Variants in PKHD1 observed in about 807,000 individuals in gnomAD.
The protein encoded by PKHD1 is fibrocystin.
In PKHD1, 291 loss-of-function variants were observed where a neutral mutation model predicts 412.0. The ratio of observed to expected loss-of-function variants is 0.71; its 90% CI spans 0.64 to 0.78. The LOEUF (loss-of-function observed/expected upper bound fraction) is 0.78. Among genes scored for constraint, PKHD1 ranks in the 30% least tolerant of loss-of-function variants. The pLI, the probability that PKHD1 is intolerant of heterozygous loss-of-function variation, is 0.00. For missense variants in PKHD1, 4,825 were observed against 4,950.7 expected (o/e 0.97, Z 0.76); for synonymous variants, 1,777 against 1,821.5 (o/e 0.98, Z 0.62).
chr6:51,682,323 T>C, intron 60 of PKHD1: 1 of 434,062 alleles, frequency 2.3e-6, no homozygotes. Flanking sequence ...AATATTCACT[T>C]TTTCTAATAC....
At chr6:51,906,377 C>T in intron 40 of PKHD1, 37 bp from the exon 41 acceptor site, 1 of 1,576,468 alleles carries the variant, frequency 6.3e-7, no homozygotes, top group Middle Eastern at 1.7e-4. Context: ...TTAGATATGG[C>T]TCCTGAGATT....
intron 60 of PKHD1, among the ~76,000 whole-genome samples, chr6:51,673,406 G>C (rs1483836187): frequency 2.6e-5 from 4 of 152,168 alleles, no homozygotes; most frequent in African/African-American, 9.7e-5. Flanking sequence ...CCACTATAAA[G>C]CTTTCCTACT....
chr6:51,856,368 G>A (rs1040392165), intron 48 of PKHD1, among the ~76,000 whole-genome samples: 1 of 152,072 alleles, frequency 6.6e-6, no homozygotes, highest in East Asian at 1.9e-4. Context: ...ACGGAGTTTC[G>A]CTCTTGTTGC....
At chr6:51,757,048 G>C (rs1787137912) in intron 55 of PKHD1, among the ~76,000 whole-genome samples, 1 of 152,138 alleles carries the variant, frequency 6.6e-6, no homozygotes, top group Non-Finnish European at 1.5e-5. Flanking sequence ...TCAGACAGGA[G>C]GTGGAGCCCA....
chr6:51,999,037 T>C (rs149890377), intron 35 of PKHD1, among the ~76,000 whole-genome samples: 1 of 152,274 alleles, frequency 6.6e-6, no homozygotes, highest in Non-Finnish European at 1.5e-5. Context: ...AAGAAGACAG[T>C]AACTAAAATA....
intron 53 of PKHD1, among the ~76,000 whole-genome samples, chr6:51,789,423 T>C (rs1360424009): frequency 1.3e-5 from 2 of 152,118 alleles, no homozygotes; most frequent in Non-Finnish European, 2.9e-5. Flanking sequence ...TGTATATCTA[T>C]ATATTCCCAT....
In PKHD1 at chr6:51,868,005, G is replaced by A. The variant is rs150559372; in HGVS notation, c.7591C>T (p.Leu2531=). The A allele has an allele frequency of 8.1e-5, 130 of 1,613,212 alleles. No homozygotes were observed. In the South Asian group the frequency reaches 8.2e-4, roughly 10 times the overall value. ...ATGTGACTTCTGTTTTTCCCAGACA[G>A]AGACCCATCCAAGTCTTCCAAAATT... ...AAILEDLDGS[L]SGKNRSHILA... Residue 2531 remains leucine (L), a synonymous_variant, in exon 48 of 67, where the codon CTG becomes TTG. Coordinates refer to ENST00000371117, the MANE Select transcript of PKHD1 (RefSeq NM_138694.4).
intron 53 of PKHD1, among the ~76,000 whole-genome samples, chr6:51,786,338 C>A (rs1792850385): frequency 6.6e-6 from 1 of 152,174 alleles, no homozygotes; most frequent in African/African-American, 2.4e-5. Flanking sequence ...TTACTTCACT[C>A]CCTGACGATT....
chr6:51,988,196 A>G (rs1291961563), intron 35 of PKHD1, among the ~76,000 whole-genome samples: 1 of 152,206 alleles, frequency 6.6e-6, no homozygotes, highest in Admixed American at 6.5e-5. Flanking sequence ...AAAACGCCCT[A>G]TGTCTTCAAT....
intron 35 of PKHD1, among the ~76,000 whole-genome samples, chr6:51,979,157 G>T (rs554797657): frequency 1.4e-4 from 22 of 152,116 alleles, no homozygotes; most frequent in Middle Eastern, 3.4e-3. Flanking sequence ...CTCTATGTAT[G>T]CAGTTACATA....
At chr6:51,662,820 A>T (rs2150436393) in intron 60 of PKHD1, among the ~76,000 whole-genome samples, 1 of 152,162 alleles carries the variant, frequency 6.6e-6, no homozygotes, top group African/African-American at 2.4e-5. Flanking sequence ...AACTTAAAGT[A>T]GACAAATTTC....
intron 60 of PKHD1, chr6:51,740,063 C>G (rs867198970): frequency 1.9e-6 from 1 of 517,254 alleles, no homozygotes; most frequent in East Asian, 5.5e-5. Flanking sequence ...CCTCCATAAT[C>G]AAAAGAAATC....
chr6:52,038,422 A>C (rs1263543535), intron 27 of PKHD1, among the ~76,000 whole-genome samples: 2 of 151,384 alleles, frequency 1.3e-5, no homozygotes, highest in Non-Finnish European at 2.9e-5. Context: ...GGAAATTTGG[A>C]CACAAGCAAG....
intron 60 of PKHD1, among the ~76,000 whole-genome samples, chr6:51,661,823 C>T (rs1428720070): frequency 1.3e-5 from 2 of 151,812 alleles, no homozygotes; most frequent in African/African-American, 4.8e-5. Flanking sequence ...AGTGTAAGTT[C>T]ATAAAAGTAG....
intron 35 of PKHD1, among the ~76,000 whole-genome samples, chr6:51,968,391 TTTC>T (rs1400443376): frequency 6.6e-6 from 1 of 152,126 alleles, no homozygotes; most frequent in Non-Finnish European, 1.5e-5. Flanking sequence ...TTCCCTCCCT[TTTC>T]TTCTTTTCCT....
chr6:51,680,836 C>T (rs958940959), intron 60 of PKHD1, among the ~76,000 whole-genome samples: 2 of 151,972 alleles, frequency 1.3e-5, no homozygotes, highest in East Asian at 1.9e-4. Context: ...GAACGGTTAA[C>T]GTTTTGCTCT....
intron 46 of PKHD1, among the ~76,000 whole-genome samples, chr6:51,874,655 G>A (rs1324649928): frequency 6.6e-6 from 1 of 152,172 alleles, no homozygotes; most frequent in Non-Finnish European, 1.5e-5. Context: ...CTGGCCAGGC[G>A]CAGTGGCTCA....
At chr6:51,881,034 G>A (rs1777239781) in intron 46 of PKHD1, among the ~76,000 whole-genome samples, 1 of 147,088 alleles carries the variant, frequency 6.8e-6, no homozygotes. Context: ...GCTAAAATCA[G>A]AGTCCCATAA....
intron 13 of PKHD1, among the ~76,000 whole-genome samples, 186 bp downstream of exon 13, chr6:52,064,769 G>A (rs920634749): frequency 6.6e-6 from 1 of 151,512 alleles, no homozygotes; most frequent in Non-Finnish European, 1.5e-5. Context: ...ATGTCACTAA[G>A]CACCTGAATA....
Sources: allele counts gnomAD v4.1 joint callset (sites outside exome capture counted in the v4.1 genomes callset), GRCh38; gene constraint gnomAD v4.1.1; transcripts MANE v1.5; gene names NCBI Gene and HGNC (gene_info 2026-07-23, HGNC 2026-07-21).